The following RORA variants were observed in gnomAD, a reference collection of about 807,000 sequenced individuals.
RORA encodes the protein nuclear receptor ROR-alpha.
A neutral mutation model predicts 69.5 loss-of-function variants in RORA; 7 were observed. The ratio of observed to expected loss-of-function variants is 0.10; its 90% CI spans 0.06 to 0.19. RORA has a LOEUF of 0.19. Ranked by LOEUF, RORA falls within the 10% of genes least tolerant of loss-of-function variation. RORA has a pLI of 1.00. For synonymous variants in RORA, 261 were observed against 240.8 expected (o/e 1.08, Z -0.78); for missense variants, 457 against 663.0 (o/e 0.69, Z 3.41).
rs16942638 is a variant in RORA, at chr15:60,503,713, C to G, written c.943-46G>C. On this transcript the variant is annotated intron_variant, in intron 6 of 10. Transcript: ENST00000335670. ...TTAACATCCTCCAGGAAGATGTTAG[C>G]TTTTGTAGCAGAAGCTGCAGAGTTA... is the stretch of plus-strand genomic sequence containing the variant. The G allele has an allele frequency of 9.9e-3, 15,923 of 1,605,420 alleles. 1,393 individuals carry two copies. In the African/African-American group the frequency reaches 0.19, roughly 19 times the overall value.
intron 1 of RORA, among the ~76,000 whole-genome samples, chr15:61,137,021 A>AAGAG (rs2079247119): frequency 2.7e-5 from 1 of 37,082 alleles, no homozygotes; most frequent in East Asian, 5.6e-4. Context: ...ATAAATAAAA[A>AAGAG]AGAAAGAAAG....
chr15:60,574,327 T>C (rs73422083), intron 2 of RORA, among the ~76,000 whole-genome samples: 6,798 of 152,320 alleles, frequency 0.045, 507 homozygotes, highest in African/African-American at 0.15. Flanking sequence ...GCTTTATAAA[T>C]GATAGGCTTA....
At chr15:60,526,232 G>A (rs1386592724) in intron 3 of RORA, among the ~76,000 whole-genome samples, 1 of 152,202 alleles carries the variant, frequency 6.6e-6, no homozygotes, top group Non-Finnish European at 1.5e-5. Context: ...GTATGCGCAA[G>A]TGGTCTCTGA....
At chr15:60,593,474 A>G (rs987038841) in intron 2 of RORA, 1 of 152,322 alleles carries the variant, frequency 6.6e-6, no homozygotes, top group Non-Finnish European at 1.5e-5. Context: ...TGTACATTTT[A>G]ACATGCGACT....
rs776280245 is a variant in RORA, at chr15:60,497,455, T to C, written c.1572A>G (p.Ter524=). 1 of 1,613,740 alleles carries C rather than the reference T, an allele frequency of 6.2e-7. No individual in the cohort carries two copies. Among genetic ancestry groups the C allele is most frequent in the Non-Finnish European group, 8.5e-7 (1 of 1,179,652 alleles). ...TCTAGAAGTGCTTAGGTGATAACAT[T>C]TACCCATCAATTTGCATTGCTGGCT... ...EFEPAMQIDG[*] is the part of the protein sequence containing the mutation. The change falls in exon 11 of 11, where the codon TAA becomes TAG. Residue 524 remains the stop codon, a stop_retained_variant. Transcript: ENST00000335670.
At position 61,032,849 on chromosome 15, in the gene RORA, G is replaced by A. The variant is rs191212010; in HGVS notation, c.166+196204C>T. Among the ~76,000 whole-genome samples the A allele has an allele frequency of 3.3e-5, 5 of 152,156 alleles. No individual in the cohort carries two copies. The East Asian group carries it at 9.6e-4, about 29-fold the overall frequency. On this transcript the variant is annotated intron_variant, in intron 1 of 10. Transcript: ENST00000335670. Reference sequence around the variant, plus strand: ...GCAATTTGGAACAATAATAAAATAAGGAATCCTTTCTTATTACCTATGTCT... The same window carrying A: ...GCAATTTGGAACAATAATAAAATAAAGAATCCTTTCTTATTACCTATGTCT...
intron 3 of RORA, among the ~76,000 whole-genome samples, chr15:60,518,012 A>T (rs371414828): frequency 6.6e-6 from 1 of 151,756 alleles, no homozygotes; most frequent in Non-Finnish European, 1.5e-5. Context: ...ATCCTTTCCA[A>T]TTTCTTCACT....
In RORA at chr15:60,550,550, C is replaced by G. The variant is rs577599405; in HGVS notation, c.197-18699G>C. ...GAAAGTGTTACCAGTTTTCAATCCT[C>G]CTCACTTGGACATTAAAGGGATTAA... On this transcript the variant is annotated intron_variant, in intron 2 of 10. Transcript: ENST00000335670. 2.0e-5 allele frequency among the ~76,000 whole-genome samples: 3 copies of G among 152,262 alleles called. No homozygotes were observed. The East Asian group carries it at 5.8e-4, about 29-fold the overall frequency.
At chr15:61,197,709 T>A (rs949080069) in intron 1 of RORA, among the ~76,000 whole-genome samples, 19 of 152,092 alleles carry the variant, frequency 1.2e-4, no homozygotes, top group Non-Finnish European at 7.4e-5. Context: ...TCCTCCTACC[T>A]CCTACCCAGA....
At chr15:61,117,322 T>C (rs941687191) in intron 1 of RORA, among the ~76,000 whole-genome samples, 5 of 152,212 alleles carry the variant, frequency 3.3e-5, no homozygotes, top group African/African-American at 9.6e-5. Flanking sequence ...GTTCTTATAA[T>C]TGTTTATCTA....
chr15:61,040,488 T>C (rs1896707168), intron 1 of RORA, among the ~76,000 whole-genome samples: 1 of 152,072 alleles, frequency 6.6e-6, no homozygotes, highest in South Asian at 2.1e-4. Flanking sequence ...GTAATACTGA[T>C]CTTTTCCCTC....
intron 2 of RORA, among the ~76,000 whole-genome samples, chr15:60,551,573 T>C (rs2067228751): frequency 1.3e-5 from 2 of 152,232 alleles, no homozygotes; most frequent in South Asian, 4.1e-4. Context: ...TAATTTTTCC[T>C]ACCGCCCCAC....
chr15:60,846,736 C>T (rs185937898), intron 1 of RORA, among the ~76,000 whole-genome samples: 516 of 152,314 alleles, frequency 3.4e-3, no homozygotes, highest in Non-Finnish European at 6.0e-3. Context: ...AACTCGGGGC[C>T]AGCCCATCTC....
At chr15:60,834,192 A>G (rs560360591) in intron 1 of RORA, among the ~76,000 whole-genome samples, 2 of 152,238 alleles carry the variant, frequency 1.3e-5, no homozygotes, top group African/African-American at 4.8e-5. Context: ...AATGCAAAGA[A>G]GGCACAAAAT....
intron 1 of RORA, among the ~76,000 whole-genome samples, chr15:60,872,800 G>GC (rs2073571271): frequency 6.6e-6 from 1 of 150,434 alleles, no homozygotes; most frequent in South Asian, 2.1e-4. Context: ...CTTCACATCT[G>GC]CCCCCCTGGC....
chr15:60,963,450 C>A (rs1893468640), intron 1 of RORA, among the ~76,000 whole-genome samples: 1 of 152,046 alleles, frequency 6.6e-6, no homozygotes, highest in Non-Finnish European at 1.5e-5. Context: ...CTGCAGGGAA[C>A]CTACAGAGGT....
intron 1 of RORA, among the ~76,000 whole-genome samples, chr15:61,221,137 T>G (rs1449172738): frequency 1.3e-5 from 2 of 152,218 alleles, no homozygotes. Flanking sequence ...TACAGTTGAC[T>G]GTCAATTAAT....
intron 1 of RORA, among the ~76,000 whole-genome samples, chr15:61,052,377 T>A (rs1172023225): frequency 6.6e-6 from 1 of 152,220 alleles, no homozygotes; most frequent in African/African-American, 2.4e-5. Context: ...GAAAGCCTCA[T>A]ACGTAATGCT....
chr15:60,760,681 T>C (rs2071872256), intron 1 of RORA, among the ~76,000 whole-genome samples: 1 of 152,172 alleles, frequency 6.6e-6, no homozygotes, highest in African/African-American at 2.4e-5. Flanking sequence ...GCTGTGAAAA[T>C]GCTAGGGTTC....
Sources: gnomAD v4.1 joint callset for allele counts (sites outside exome capture counted in the v4.1 genomes callset) on GRCh38, gnomAD v4.1.1 for gene constraint, MANE v1.5 for transcripts, NCBI Gene and HGNC (gene_info 2026-07-23, HGNC 2026-07-21) for gene names.